The following PXDNL variants were observed in gnomAD, a reference collection of about 807,000 sequenced individuals.
The protein encoded by PXDNL is probable oxidoreductase PXDNL.
Under a neutral mutation model 150.8 loss-of-function variants are expected in PXDNL, and 145 were observed. The observed-to-expected ratio is 0.96, with a 90% CI of 0.84 to 1.10. The LOEUF is 1.10. PXDNL is among the 50% of genes least tolerant of loss of function. PXDNL has a pLI of 0.00. For synonymous variants in PXDNL, 757 were observed against 725.7 expected, an observed-to-expected ratio of 1.04 and a Z score of -0.69; for missense variants, 2,087 against 1,873.9, an observed-to-expected ratio of 1.11 and a Z score of -2.10.
intron 1 of PXDNL, among the ~76,000 whole-genome samples, chr8:51,733,213 C>G (rs1338485426): frequency 6.6e-6 from 1 of 152,192 alleles, no homozygotes; most frequent in Non-Finnish European, 1.5e-5. Flanking sequence ...AGTGACCTTA[C>G]TTGAGACTGT....
intron 17 of PXDNL, among the ~76,000 whole-genome samples, chr8:51,388,981 GCA>G (rs1807810892): frequency 6.6e-6 from 1 of 152,036 alleles, no homozygotes; most frequent in Non-Finnish European, 1.5e-5. Context: ...AATGTTAAAT[GCA>G]CAGAGTCTCT....
chr8:51,655,109 A>C (rs1815123634), intron 1 of PXDNL, among the ~76,000 whole-genome samples: 1 of 152,224 alleles, frequency 6.6e-6, no homozygotes, highest in Non-Finnish European at 1.5e-5. Context: ...AGTTGAGTAC[A>C]TTTAGTTTGG....
intron 19 of PXDNL, among the ~76,000 whole-genome samples, chr8:51,367,538 T>A (rs1321171933): frequency 6.6e-6 from 1 of 152,214 alleles, no homozygotes; most frequent in African/African-American, 2.4e-5. Flanking sequence ...AAAAAGCCTA[T>A]ATCCTGTACC....
Position 51,457,487 on chromosome 8 carries a change from A to T in PXDNL, c.982+11T>A, listed in dbSNP as rs767633106. ...CAGATAATTGATAGAACTAGAAAAT[A>T]ATAGTTTTACCTGGAAGACTGGAGT... On this transcript the variant is annotated intron_variant, in intron 9 of 22. Transcript: ENST00000356297. The T allele has an allele frequency of 1.3e-6, 2 of 1,596,998 alleles. No individual in the cohort carries two copies. Among genetic ancestry groups the T allele is most frequent in the African/African-American group, 2.7e-5 (2 of 74,282 alleles).
At chr8:51,659,624 A>G (rs560448938) in intron 1 of PXDNL, among the ~76,000 whole-genome samples, 31 of 152,028 alleles carry the variant, frequency 2.0e-4, no homozygotes, top group African/African-American at 7.5e-4. Context: ...TGCACACCAG[A>G]CTCACCTCAC....
intron 3 of PXDNL, among the ~76,000 whole-genome samples, chr8:51,560,515 C>A (rs758534586): frequency 2.7e-4 from 41 of 151,714 alleles, no homozygotes; most frequent in Non-Finnish European, 5.4e-4. Context: ...CATATATGGT[C>A]AAATGATTAT....
At chr8:51,429,649 G>C (rs1425403061) in intron 12 of PXDNL, among the ~76,000 whole-genome samples, 2 of 149,984 alleles carry the variant, frequency 1.3e-5, no homozygotes, top group African/African-American at 4.9e-5. Flanking sequence ...TTTTAGGAAA[G>C]CTACCAAACT....
At chr8:51,700,019 C>T (rs921955716) in intron 1 of PXDNL, among the ~76,000 whole-genome samples, 2 of 152,034 alleles carry the variant, frequency 1.3e-5, no homozygotes, top group African/African-American at 4.8e-5. Flanking sequence ...AATTGTGAGA[C>T]TGAGACAGGA....
intron 12 of PXDNL, chr8:51,436,650 TG>T (rs1670912988): frequency 5.3e-6 from 1 of 190,266 alleles, no homozygotes; most frequent in Admixed American, 5.6e-5. Context: ...AATTTCAGAT[TG>T]TTTGAGCTGA....
intron 8 of PXDNL, among the ~76,000 whole-genome samples, chr8:51,471,679 ATTTTTTTTTTTGGT>A (rs1462512714): frequency 1.4e-5 from 2 of 146,400 alleles, no homozygotes; most frequent in African/African-American, 5.0e-5. Context: ...GAAATGCATA[ATTTTTTTTTTTGGT>A]TTTTTTTTTT....
intron 8 of PXDNL, among the ~76,000 whole-genome samples, chr8:51,466,830 CA>C (rs1432370388): frequency 1.3e-5 from 2 of 152,142 alleles, no homozygotes; most frequent in African/African-American, 2.4e-5. Flanking sequence ...AAATGCAAAT[CA>C]AAACCACAGT....
intron 11 of PXDNL, among the ~76,000 whole-genome samples, chr8:51,447,956 T>A (rs928518749): frequency 5.9e-5 from 9 of 152,132 alleles, no homozygotes; most frequent in African/African-American, 2.2e-4. Flanking sequence ...CAAACAGCAG[T>A]TAACAGGTTT....
chr8:51,409,762 T>C (rs773660935), intron 16 of PXDNL, among the ~76,000 whole-genome samples: 1 of 149,286 alleles, frequency 6.7e-6, no homozygotes, highest in African/African-American at 2.5e-5. Flanking sequence ...TTCCAGAAGA[T>C]CCCGGGATTA....
chr8:51,729,139 A>AC (rs1227280273), intron 1 of PXDNL, among the ~76,000 whole-genome samples: 7 of 152,102 alleles, frequency 4.6e-5, no homozygotes, highest in Admixed American at 3.9e-4. Context: ...CTCAGGACCT[A>AC]CCCCCATTGT....
At chr8:51,713,122 T>C (rs1238515967) in intron 1 of PXDNL, among the ~76,000 whole-genome samples, 1 of 152,236 alleles carries the variant, frequency 6.6e-6, no homozygotes, top group Non-Finnish European at 1.5e-5. Flanking sequence ...TGACTTAATA[T>C]GAAAAGCATT....
At chr8:51,467,439 T>C (rs916822660) in intron 8 of PXDNL, among the ~76,000 whole-genome samples, 3 of 151,962 alleles carry the variant, frequency 2.0e-5, no homozygotes, top group African/African-American at 7.2e-5. Flanking sequence ...GACATAAAGA[T>C]GGGAATATTA....
intron 1 of PXDNL, among the ~76,000 whole-genome samples, chr8:51,658,344 G>GAAA (rs34771782): frequency 9.6e-4 from 90 of 94,206 alleles, no homozygotes; most frequent in African/African-American, 1.7e-3. Flanking sequence ...CCTGTCTCAA[G>GAAA]AAAAAAAAAA....
chr8:51,589,381 A>T (rs1813392980), intron 3 of PXDNL, among the ~76,000 whole-genome samples: 1 of 152,160 alleles, frequency 6.6e-6, no homozygotes. Context: ...AGGCTAGAAA[A>T]ACCCTAGATT....
intron 4 of PXDNL, among the ~76,000 whole-genome samples, chr8:51,504,288 C>T (rs1811242682): frequency 6.6e-6 from 1 of 152,092 alleles, no homozygotes; most frequent in East Asian, 1.9e-4. Flanking sequence ...GAAATAAAGA[C>T]AGAATTTTTT....
Sources: gnomAD v4.1 joint callset for allele counts (sites outside exome capture counted in the v4.1 genomes callset) on GRCh38, gnomAD v4.1.1 for gene constraint, MANE v1.5 for transcripts, NCBI Gene and HGNC (gene_info 2026-07-23, HGNC 2026-07-21) for gene names.